NSMCE3: variants seen among roughly 807,000 people sequenced by gnomAD.
NSMCE3 encodes non-structural maintenance of chromosomes element 3 homolog.
For synonymous variants in NSMCE3, 214 were observed against 172.2 expected, an observed-to-expected ratio of 1.24 and a Z score of -1.90; for missense variants, 452 against 399.5, an observed-to-expected ratio of 1.13 and a Z score of -1.12.
Position 29,265,169 on chromosome 15 carries a change from C to T in NSMCE3, c.*3622G>A, listed in dbSNP as rs1171500597. The T allele has an allele frequency of 6.6e-6, 1 of 152,088 alleles. No individual in the cohort carries two copies. The highest frequency in any genetic ancestry group is 1.5e-5 in the Non-Finnish European group (1 of 68,022). The allele number at this position is 152,088 out of a possible 1,614,324, so 9.4% of individuals were successfully genotyped here. A position where few individuals can be genotyped will look rare whatever the true frequency, so the allele number is the denominator to read the frequency against. ...AAAAAACTCTTAACAGCAAACATCA[C>T]ACTCTATGGCAAAACTTAAAATTAT... On this transcript the variant is annotated 3_prime_UTR_variant, in exon 1 of 1. Coordinates refer to ENST00000332303, the MANE Select transcript of NSMCE3 (RefSeq NM_138704.4).
At position 29,268,969 on chromosome 15, in the gene NSMCE3, T is replaced by C. The variant is rs2043542486; in HGVS notation, c.737A>G (p.Tyr246Cys). ...GGTTCGCGGGCCCCACTGGAATTCG[T>C]AGTCGACGGGGTCGGTGTGGGGTAT... ...RRIPHTDPVD[Y>C]EFQWGPRTNL... Residue 246 changes from tyrosine (Y) to cysteine (C), a missense_variant, in exon 1 of 1, where the codon TAC becomes TGC. Physicochemically the swap from Tyr to Cys is radical, Grantham distance 194. Coordinates refer to ENST00000332303, the MANE Select transcript of NSMCE3 (RefSeq NM_138704.4). 4 of 1,614,058 alleles carry C rather than the reference T, an allele frequency of 2.5e-6. No individual in the cohort carries two copies. The highest frequency in any genetic ancestry group is 1.3e-5 in the African/African-American group (1 of 74,914).
In NSMCE3 at chr15:29,269,364, G is replaced by A; in HGVS notation, c.342C>T (p.His114=). The change falls in exon 1 of 1, where the codon CAC becomes CAT. Residue 114 remains histidine (H), a synonymous_variant. Coordinates refer to ENST00000332303, the MANE Select transcript of NSMCE3 (RefSeq NM_138704.4). The part of the protein sequence containing the change: ...IPIKRADILK[H]VIGDYKDIFP... The stretch of plus-strand genomic sequence containing the variant: ...AGATGTCCTTGTAGTCCCCGATGAC[G>A]TGCTTCAGTATGTCGGCCCGCTTGA... The A allele has an allele frequency of 6.2e-7, 1 of 1,614,180 alleles. No individual in the cohort carries two copies. Among genetic ancestry groups the A allele is most frequent in the Non-Finnish European group, 8.5e-7 (1 of 1,180,044 alleles).
Position 29,268,700 on chromosome 15 carries a change from C to T in NSMCE3, c.*91G>A. 7.5e-7 allele frequency: 1 copy of T among 1,329,556 alleles called. No homozygotes were observed. Among genetic ancestry groups the T allele is most frequent in the South Asian group, 1.5e-5 (1 of 68,138 alleles). The allele number at this position is 1,329,556 out of a possible 1,614,324, so 82.4% of individuals were successfully genotyped here. ...ACATTGAAGCGTTTACAGCAATATG[C>T]TCCCTGGGTTCGTTCTCCCTTCCCC... On this transcript the variant is annotated 3_prime_UTR_variant, in exon 1 of 1. Coordinates refer to ENST00000332303, the MANE Select transcript of NSMCE3 (RefSeq NM_138704.4).
Position 29,269,111 on chromosome 15 carries a change from A to G in NSMCE3, c.595T>C (p.Trp199Arg). ...ACCCCTAAGCGCCGCAGAAAGTCCC[A>G]GGCTTCAGTTTCCTTGATGGTGTTG... is the stretch of plus-strand genomic sequence containing the variant. ...KGNTIKETEA[W>R]DFLRRLGVYP... The change falls in exon 1 of 1, where the codon TGG becomes CGG. Residue 199 changes from tryptophan (W) to arginine (R), a missense_variant. Coordinates refer to ENST00000332303, the MANE Select transcript of NSMCE3 (RefSeq NM_138704.4). 1 of 1,614,090 alleles carries G rather than the reference A, an allele frequency of 6.2e-7. No homozygotes were observed. Among genetic ancestry groups the G allele is most frequent in the Non-Finnish European group, 8.5e-7 (1 of 1,180,006 alleles).
rs760808806 is a variant in NSMCE3, at chr15:29,269,094, G to T, written c.612C>A (p.Arg204=). ...KETEAWDFLR[R]LGVYPTKKHL... The stretch of plus-strand genomic sequence containing the variant: ...GCTTCTTGGTGGGGTAGACCCCTAA[G>T]CGCCGCAGAAAGTCCCAGGCTTCAG... Residue 204 remains arginine, a synonymous_variant, in exon 1 of 1, where the codon CGC becomes CGA. Coordinates refer to ENST00000332303, the MANE Select transcript of NSMCE3 (RefSeq NM_138704.4). 1.2e-5 allele frequency: 19 copies of T among 1,613,992 alleles called. No homozygotes were observed. The Middle Eastern group carries it at 6.6e-4, about 56-fold the overall frequency.
chr15:29,266,799 T>C lies in NSMCE3; in HGVS notation c.*1992A>G, dbSNP rs759472297. ...TCTGGGGAGGGTGAGAAGGAAAAGA[T>C]ATAAGGCCTTGATGTGGCCTCTGAT... On this transcript the variant is annotated 3_prime_UTR_variant, in exon 1 of 1. Transcript: ENST00000332303. 3.3e-5 allele frequency: 5 copies of C among 152,200 alleles called. No homozygotes were observed. Among genetic ancestry groups the C allele is most frequent in the African/African-American group, 4.8e-5 (2 of 41,450 alleles). The allele number at this position is 152,200 out of a possible 1,614,324, so 9.4% of individuals were successfully genotyped here.
rs2043533957 is a variant in NSMCE3, at chr15:29,268,653, CAAACACATCCT to C, written c.*127_*137del. On this transcript the variant is annotated 3_prime_UTR_variant, in exon 1 of 1. Coordinates refer to ENST00000332303, the MANE Select transcript of NSMCE3 (RefSeq NM_138704.4). Reference sequence around the variant, plus strand: ...ACAACATTAAAAAAACAAAACTTTGCAAACACATCCTAAAGCTACACACATTGAAGCGTTTA... The same window carrying C: ...ACAACATTAAAAAAACAAAACTTTGCAAAGCTACACACATTGAAGCGTTTA... 15 of 739,090 alleles carry C rather than the reference CAAACACATCCT, an allele frequency of 2.0e-5. No homozygotes were observed. The highest frequency in any genetic ancestry group is 3.0e-5 in the Non-Finnish European group (15 of 501,198). The allele number at this position is 739,090 out of a possible 1,614,324, so 45.8% of individuals were successfully genotyped here. A position where few individuals can be genotyped will look rare whatever the true frequency, so the allele number is the denominator to read the frequency against.
chr15:29,265,961 T>C lies in NSMCE3; in HGVS notation c.*2830A>G, dbSNP rs1596141754. 1 of 152,314 alleles carries C rather than the reference T, an allele frequency of 6.6e-6. No individual in the cohort carries two copies. Among genetic ancestry groups the C allele is most frequent in the East Asian group, 1.9e-4 (1 of 5,182 alleles). 9.4% of individuals were successfully genotyped at this position (152,314 alleles called of 1,614,324 possible). On this transcript the variant is annotated 3_prime_UTR_variant, in exon 1 of 1. Coordinates refer to ENST00000332303, the MANE Select transcript of NSMCE3 (RefSeq NM_138704.4). ...GGATTAGGGGAATTTTTTAAAGCAC[T>C]ATACACAAATGTAGCTCTTATAAAC...
In NSMCE3 at chr15:29,268,718, C is replaced by A. The variant is rs377197651; in HGVS notation, c.*73G>T. 57 of 1,481,766 alleles carry A rather than the reference C, an allele frequency of 3.8e-5. No individual in the cohort carries two copies. The African/African-American group carries it at 6.9e-4, about 18-fold the overall frequency. 91.8% of individuals were successfully genotyped at this position (1,481,766 alleles called of 1,614,324 possible). On this transcript the variant is annotated 3_prime_UTR_variant, in exon 1 of 1. Transcript: ENST00000332303. ...CAATATGCTCCCTGGGTTCGTTCTC[C>A]CTTCCCCCAATCCTCTAAACTGTGC...
rs995866818 is a variant in NSMCE3 at position 29,268,234 on chromosome 15, A to C, written c.*557T>G. ...GAAGTGGAACTACGTGTTTAGCAGC[A>C]GAGCTGAATAATTATGAATATAAAC... On this transcript the variant is annotated 3_prime_UTR_variant, in exon 1 of 1. Transcript: ENST00000332303. The C allele has an allele frequency of 6.6e-5, 10 of 152,314 alleles. No individual in the cohort carries two copies. Among genetic ancestry groups the C allele is most frequent in the African/African-American group, 2.4e-4 (10 of 41,464 alleles). The allele number at this position is 152,314 out of a possible 1,614,324, so 9.4% of individuals were successfully genotyped here.
At position 29,269,000 on chromosome 15, in the gene NSMCE3, G is replaced by A; in HGVS notation, c.706C>T (p.Arg236Trp). ...DFVRQRYLEY[R>W]RIPHTDPVDY... ...ACGGGGTCGGTGTGGGGTATCCGCC[G>A]GTATTCCAGGTAACGCTGTCGCACA... Residue 236 changes from arginine (R) to tryptophan (W), a missense_variant, in exon 1 of 1, where the codon CGG becomes TGG. Coordinates refer to ENST00000332303, the MANE Select transcript of NSMCE3 (RefSeq NM_138704.4). The A allele has an allele frequency of 6.2e-7, 1 of 1,614,090 alleles. No homozygotes were observed. Among genetic ancestry groups the A allele is most frequent in the Non-Finnish European group, 8.5e-7 (1 of 1,180,032 alleles).
chr15:29,266,587 C>T lies in NSMCE3; in HGVS notation c.*2204G>A, dbSNP rs142921116. 2.0e-3 allele frequency: 304 copies of T among 152,282 alleles called. No individual in the cohort carries two copies. Among genetic ancestry groups the T allele is most frequent in the African/African-American group, 7.1e-3 (294 of 41,560 alleles). 9.4% of individuals were successfully genotyped at this position (152,282 alleles called of 1,614,324 possible). On this transcript the variant is annotated 3_prime_UTR_variant, in exon 1 of 1. Transcript: ENST00000332303. ...TGAGTGAATCAGGTCTACATATATC[C>T]ACATGGCTGAATCTCAAATACATAA...
At position 29,269,607 on chromosome 15, in the gene NSMCE3, C is replaced by G. The variant is rs77216990; in HGVS notation, c.99G>C (p.Gly33=). Residue 33 remains glycine (G), a synonymous_variant, in exon 1 of 1, where the codon GGG becomes GGC. Transcript: ENST00000332303. ...HSGNPGASRA[G]EDARVLRDGF... is the part of the protein sequence containing the mutation. ...CGTCTCTGAGAACCCGGGCGTCTTC[C>G]CCGGCCCGCGAAGCCCCGGGGTTTC... 28,324 of 1,561,684 alleles carry G rather than the reference C, an allele frequency of 0.018. 4,074 individuals are homozygous for G. The African/African-American group carries it at 0.33, about 18-fold the overall frequency.
Position 29,269,550 on chromosome 15 carries a change from G to C in NSMCE3, c.156C>G (p.Arg52=). The change falls in exon 1 of 1, where the codon CGC becomes CGG. Residue 52 remains arginine (R), a synonymous_variant. Coordinates refer to ENST00000332303, the MANE Select transcript of NSMCE3 (RefSeq NM_138704.4). ...GFAEEAPSTS[R]GPGGSQGSQG... ...GCGACCCCTGCGAGCCGCCCGGCCCGCGGGACGTGCTCGGGGCCTCCTCGG... is the reference window on the plus strand; with the variant it reads ...GCGACCCCTGCGAGCCGCCCGGCCCCCGGGACGTGCTCGGGGCCTCCTCGG... 1 of 1,512,992 alleles carries C rather than the reference G, an allele frequency of 6.6e-7. No homozygotes were observed. The highest frequency in any genetic ancestry group is 8.8e-7 in the Non-Finnish European group (1 of 1,134,330). The allele number at this position is 1,512,992 out of a possible 1,614,324, so 93.7% of individuals were successfully genotyped here.
chr15:29,269,353 T>C lies in NSMCE3; in HGVS notation c.353A>G (p.Asp118Gly), dbSNP rs1256340612. 1.2e-6 allele frequency: 2 copies of C among 1,614,140 alleles called. No homozygotes were observed. The highest frequency in any genetic ancestry group is 2.2e-5 in the South Asian group (2 of 91,078). ...RADILKHVIG[D>G]YKDIFPDLFK... is the part of the protein sequence containing the mutation. ...GAGGTCGGGGAAGATGTCCTTGTAG[T>C]CCCCGATGACGTGCTTCAGTATGTC... Residue 118 changes from aspartate (D) to glycine (G), a missense_variant, in exon 1 of 1, where the codon GAC becomes GGC. Transcript: ENST00000332303.
Position 29,269,392 on chromosome 15 carries a change from G to C in NSMCE3, c.314C>G (p.Pro105Arg), listed in dbSNP as rs375222448. The C allele has an allele frequency of 3.7e-6, 6 of 1,614,010 alleles. No homozygotes were observed. The highest frequency in any genetic ancestry group is 5.1e-6 in the Non-Finnish European group (6 of 1,180,040). ...CTTCAGTATGTCGGCCCGCTTGATCGGAATCTTCTTCTGGTCTTTAATCAG... is the reference window on the plus strand; with the variant it reads ...CTTCAGTATGTCGGCCCGCTTGATCCGAATCTTCTTCTGGTCTTTAATCAG... Reference protein sequence around the residue: ...FLLIKDQKKIPIKRADILKHV... With the variant: ...FLLIKDQKKIRIKRADILKHV... The change falls in exon 1 of 1, where the codon CCG becomes CGG. Residue 105 changes from proline (P) to arginine (R), a missense_variant. Physicochemically the swap from Pro to Arg is moderately radical, Grantham distance 103 (BLOSUM62 -2). Transcript: ENST00000332303.
In NSMCE3 at chr15:29,269,792, C is replaced by G. The variant is rs2043577245; in HGVS notation, c.-87G>C. Reference sequence around the variant, plus strand: ...GGTCGGCGACCCGCTAACGCCGGTGCCTGGAGGCGCGCGCAGTGTCGGCTG... The same window carrying G: ...GGTCGGCGACCCGCTAACGCCGGTGGCTGGAGGCGCGCGCAGTGTCGGCTG... On this transcript the variant is annotated 5_prime_UTR_variant, in exon 1 of 1. Transcript: ENST00000332303. 4 of 1,257,300 alleles carry G rather than the reference C, an allele frequency of 3.2e-6. No homozygotes were observed. Among genetic ancestry groups the G allele is most frequent in the Admixed American group, 4.0e-5 (1 of 25,198 alleles). 77.9% of individuals were successfully genotyped at this position (1,257,300 alleles called of 1,614,324 possible).
Position 29,269,806 on chromosome 15 carries a change from C to T in NSMCE3, c.-101G>A, listed in dbSNP as rs2043577952. On this transcript the variant is annotated 5_prime_UTR_variant, in exon 1 of 1. Coordinates refer to ENST00000332303, the MANE Select transcript of NSMCE3 (RefSeq NM_138704.4). ...TAACGCCGGTGCCTGGAGGCGCGCG[C>T]AGTGTCGGCTGAGACTGCGTGCTGC... 8.6e-7 allele frequency: 1 copy of T among 1,163,330 alleles called. No homozygotes were observed. Among genetic ancestry groups the T allele is most frequent in the South Asian group, 1.8e-5 (1 of 55,104 alleles). The allele number at this position is 1,163,330 out of a possible 1,614,324, so 72.1% of individuals were successfully genotyped here.
Position 29,269,758 on chromosome 15 carries a change from G to A in NSMCE3, c.-53C>T, listed in dbSNP as rs1441982760. The A allele has an allele frequency of 7.3e-5, 103 of 1,408,940 alleles. No homozygotes were observed. Among genetic ancestry groups the A allele is most frequent in the South Asian group, 2.4e-4 (15 of 63,250 alleles). 87.3% of individuals were successfully genotyped at this position (1,408,940 alleles called of 1,614,324 possible). ...CTCCGGTAGGCAAGCAGCCGCGGCG[G>A]GGATTGCGGGTCGGCGACCCGCTAA... On this transcript the variant is annotated 5_prime_UTR_variant, in exon 1 of 1. Coordinates refer to ENST00000332303, the MANE Select transcript of NSMCE3 (RefSeq NM_138704.4).
Sources: allele counts gnomAD v4.1 joint callset, GRCh38; gene constraint gnomAD v4.1.1; transcripts MANE v1.5; gene names NCBI Gene and HGNC (gene_info 2026-07-23, HGNC 2026-07-21).